Variants in RABGAP1L observed in about 807,000 individuals in gnomAD.
RABGAP1L encodes the protein RAB GTPase activating protein 1 like.
In RABGAP1L, 63 loss-of-function variants were observed where a neutral mutation model predicts 137.7. That is an observed-to-expected ratio of 0.46 (90% CI 0.37 to 0.56). The LOEUF is 0.56. Ranked by LOEUF, RABGAP1L falls within the 20% of genes least tolerant of loss-of-function variation. The probability of loss-of-function intolerance (pLI) is 0.00; values close to 1 mark genes in which losing one functional copy is unlikely to be tolerated. For missense variants in RABGAP1L, 1,095 were observed against 1,244.0 expected, an observed-to-expected ratio of 0.88 and a Z score of 1.80; for synonymous variants, 431 against 433.7, an observed-to-expected ratio of 0.99 and a Z score of 0.08.
intron 17 of RABGAP1L, among the ~76,000 whole-genome samples, chr1:174,715,764 CA>C (rs1386250408): frequency 8.5e-5 from 13 of 152,160 alleles, no homozygotes; most frequent in African/African-American, 3.1e-4. Flanking sequence ...AATCAATTCC[CA>C]ATATCATTTT....
intron 13 of RABGAP1L, among the ~76,000 whole-genome samples, chr1:174,441,072 A>G (rs1654081522): frequency 6.7e-6 from 1 of 149,848 alleles, no homozygotes; most frequent in African/African-American, 2.4e-5. Context: ...ATATATAAAG[A>G]ATAAAACATA....
chr1:174,651,738 T>A (rs996046030), intron 14 of RABGAP1L, among the ~76,000 whole-genome samples: 5 of 152,194 alleles, frequency 3.3e-5, no homozygotes, highest in Non-Finnish European at 7.4e-5. Context: ...TCTCTGCAGG[T>A]GAGATGCGTT....
chr1:174,351,787 G>GT (rs199734880), intron 11 of RABGAP1L, among the ~76,000 whole-genome samples: 29 of 149,894 alleles, frequency 1.9e-4, no homozygotes, highest in East Asian at 5.8e-4. Flanking sequence ...TTCTCTGTGT[G>GT]TTTTTTTTGT....
rs869251284 is a variant in RABGAP1L at position 174,878,925 on chromosome 1, GTTTTTTTTTTTTT to G, written c.2340+66978_2340+66990del. Among the ~76,000 whole-genome samples, 171 of 85,156 alleles carry G rather than the reference GTTTTTTTTTTTTT, an allele frequency of 2.0e-3. 3 individuals carry two copies. Among genetic ancestry groups the G allele is most frequent in the African/African-American group, 8.8e-3 (163 of 18,626 alleles). The allele number at this position is 85,156 out of a possible 152,430, so 55.9% of individuals were successfully genotyped here. A position where few individuals can be genotyped will look rare whatever the true frequency, so the allele number is the denominator to read the frequency against. ...AGAATTATGTAATTTTTTGTGCATT[GTTTTTTTTTTTTT>G]TTTTTTTTTTTTGACATGGAGTCTC... On this transcript the variant is annotated intron_variant, in intron 19 of 25. Coordinates refer to ENST00000681986, the MANE Select transcript of RABGAP1L (RefSeq NM_001366446.1).
rs1157884447 is a variant in RABGAP1L, at chr1:174,275,940, C to CT, written c.1156+9dup. The CT allele has an allele frequency of 1.9e-6, 3 of 1,604,324 alleles. No homozygotes were observed. The African/African-American group carries it at 4.0e-5, about 22-fold the overall frequency. On this transcript the variant is annotated splice_donor_region_variant and intron_variant, in intron 9 of 25. Transcript: ENST00000681986. Reference sequence around the variant, plus strand: ...TTAACGAGGAAACCCCAAAAGGTGACTTTTCTTAAAAGATCCCTTATTGTT... The same window carrying CT: ...TTAACGAGGAAACCCCAAAAGGTGACTTTTTCTTAAAAGATCCCTTATTGTT...
At chr1:174,473,207 T>C (rs1273469139) in intron 13 of RABGAP1L, among the ~76,000 whole-genome samples, 1 of 152,188 alleles carries the variant, frequency 6.6e-6, no homozygotes, top group Non-Finnish European at 1.5e-5. Context: ...ACACAGTATC[T>C]TTAGTAATAA....
At chr1:174,890,388 C>T (rs1301227434) in intron 19 of RABGAP1L, among the ~76,000 whole-genome samples, 1 of 152,174 alleles carries the variant, frequency 6.6e-6, no homozygotes, top group Admixed American at 6.5e-5. Flanking sequence ...TTTATTTCTT[C>T]TCTCTCTCCC....
chr1:174,542,227 C>G (rs1415837512), intron 13 of RABGAP1L, among the ~76,000 whole-genome samples: 1 of 152,064 alleles, frequency 6.6e-6, no homozygotes, highest in Non-Finnish European at 1.5e-5. Flanking sequence ...TGGTCCTGGA[C>G]TTTTTTTGGT....
intron 20 of RABGAP1L, among the ~76,000 whole-genome samples, chr1:174,966,713 A>C (rs1669660843): frequency 6.6e-6 from 1 of 152,174 alleles, no homozygotes; most frequent in Admixed American, 6.5e-5. Context: ...TGATGAGTAC[A>C]AGTTGCCTCT....
intron 17 of RABGAP1L, among the ~76,000 whole-genome samples, chr1:174,724,460 A>C (rs1351883610): frequency 6.6e-6 from 1 of 152,220 alleles, no homozygotes; most frequent in East Asian, 1.9e-4. Flanking sequence ...CAGAGAAGCC[A>C]AAAAGGGAGC....
chr1:174,482,502 A>G (rs1176591198), intron 13 of RABGAP1L, among the ~76,000 whole-genome samples: 3 of 152,152 alleles, frequency 2.0e-5, no homozygotes, highest in Non-Finnish European at 4.4e-5. Flanking sequence ...TTCTTTTTGT[A>G]TGTTGTAAAA....
At chr1:174,218,253 G>A (rs547401495) in intron 1 of RABGAP1L, among the ~76,000 whole-genome samples, 8 of 152,260 alleles carry the variant, frequency 5.3e-5, no homozygotes, top group East Asian at 1.9e-4. Flanking sequence ...AGCCTTTAGA[G>A]TGACTTGGAA....
At chr1:174,649,118 G>A (rs1675238744) in intron 14 of RABGAP1L, among the ~76,000 whole-genome samples, 1 of 152,008 alleles carries the variant, frequency 6.6e-6, no homozygotes, top group African/African-American at 2.4e-5. Flanking sequence ...TGGGTCTTCT[G>A]AATATAGTAC....
chr1:174,864,852 C>T (rs1650927787), intron 19 of RABGAP1L, among the ~76,000 whole-genome samples: 1 of 152,228 alleles, frequency 6.6e-6, no homozygotes, highest in South Asian at 2.1e-4. Flanking sequence ...TGTGGTGGCT[C>T]ACTCCTGTAA....
intron 19 of RABGAP1L, among the ~76,000 whole-genome samples, chr1:174,856,681 C>T (rs1649364772): frequency 6.6e-6 from 1 of 151,976 alleles, no homozygotes; most frequent in Admixed American, 6.6e-5. Context: ...AATCCCAGCA[C>T]TTTGGGAGGC....
At chr1:174,190,228 G>A (rs1359627514) in intron 1 of RABGAP1L, among the ~76,000 whole-genome samples, 7 of 151,460 alleles carry the variant, frequency 4.6e-5, no homozygotes, top group South Asian at 2.1e-4. Context: ...ACTTGAACGC[G>A]GGAGGCAGAG....
chr1:174,637,542 A>T (rs1308109989), intron 14 of RABGAP1L, 54 bp downstream of exon 14: 1 of 1,325,720 alleles, frequency 7.5e-7, no homozygotes, highest in East Asian at 2.3e-5. Flanking sequence ...TATATTTTAG[A>T]AACCCATTTA....
chr1:174,946,065 A>G (rs539733932), intron 19 of RABGAP1L, among the ~76,000 whole-genome samples: 38 of 151,982 alleles, frequency 2.5e-4, no homozygotes, highest in South Asian at 1.0e-3. Context: ...TTGCCCAGAA[A>G]GATTAAAGTA....
chr1:174,395,710 T>C (rs1399553865), intron 13 of RABGAP1L, among the ~76,000 whole-genome samples: 1 of 151,768 alleles, frequency 6.6e-6, no homozygotes, highest in Admixed American at 6.6e-5. Flanking sequence ...TAGAAGCTGG[T>C]GTGGTGGCAT....
Sources: gnomAD v4.1 joint callset for allele counts (sites outside exome capture counted in the v4.1 genomes callset) on GRCh38, gnomAD v4.1.1 for gene constraint, MANE v1.5 for transcripts, NCBI Gene and HGNC (gene_info 2026-07-23, HGNC 2026-07-21) for gene names.